Variants in FGD6 observed in about 807,000 individuals in gnomAD.
FGD6 encodes the protein FYVE, RhoGEF and PH domain containing 6.
A neutral mutation model predicts 149.4 loss-of-function variants in FGD6; 90 were observed. That is an observed-to-expected ratio of 0.60 (90% CI 0.51 to 0.72). The LOEUF is 0.72. FGD6 is among the 30% of genes least tolerant of loss of function. The pLI is 0.00. For missense variants in FGD6, 1,437 were observed against 1,684.8 expected, an observed-to-expected ratio of 0.85 and a Z score of 2.57; for synonymous variants, 527 against 584.0, an observed-to-expected ratio of 0.90 and a Z score of 1.41.
Position 95,108,347 on chromosome 12 carries a change from C to T in FGD6, c.3264+1G>A. The T allele has an allele frequency of 1.2e-6, 2 of 1,613,458 alleles. No individual in the cohort carries two copies. Among genetic ancestry groups the T allele is most frequent in the Non-Finnish European group, 1.7e-6 (2 of 1,179,766 alleles). ...TGCGAAAAGCAATGTAAAATGCTTACCCGACCAGGCTGCACAATTTCATGG... is the reference window on the plus strand; with the variant it reads ...TGCGAAAAGCAATGTAAAATGCTTATCCGACCAGGCTGCACAATTTCATGG... On this transcript the variant is annotated splice_donor_variant, in intron 11 of 20. Coordinates refer to ENST00000343958, the MANE Select transcript of FGD6 (RefSeq NM_018351.4). LOFTEE classifies it high-confidence loss of function.
chr12:95,179,178 T>C (rs1881211901), intron 2 of FGD6, among the ~76,000 whole-genome samples: 1 of 152,118 alleles, frequency 6.6e-6, no homozygotes, highest in Non-Finnish European at 1.5e-5. Flanking sequence ...ACGAGGATTC[T>C]TAGAATTGTA....
At chr12:95,138,259 C>T (rs1448616186) in intron 6 of FGD6, among the ~76,000 whole-genome samples, 1 of 133,856 alleles carries the variant, frequency 7.5e-6, no homozygotes, top group East Asian at 2.1e-4. Context: ...TCACTCACTC[C>T]TTGGATGGGC....
intron 5 of FGD6, among the ~76,000 whole-genome samples, chr12:95,150,972 G>C (rs940151633): frequency 6.6e-6 from 1 of 151,800 alleles, no homozygotes; most frequent in Admixed American, 6.6e-5. Flanking sequence ...GGATGGCTGT[G>C]GTCCCAGCTA....
chr12:95,200,488 A>G (rs2056651374), intron 2 of FGD6, among the ~76,000 whole-genome samples: 1 of 152,230 alleles, frequency 6.6e-6, no homozygotes, highest in Non-Finnish European at 1.5e-5. Context: ...TTCATTTTTC[A>G]TGAAATCACT....
At chr12:95,125,749 C>A in intron 8 of FGD6, 1 of 651,196 alleles carries the variant, frequency 1.5e-6, no homozygotes, top group Non-Finnish European at 2.8e-6. Flanking sequence ...TTCTCACCGA[C>A]TGCCGCCAAT....
intron 2 of FGD6, among the ~76,000 whole-genome samples, chr12:95,185,556 C>T (rs1352964162): frequency 6.6e-6 from 1 of 152,060 alleles, no homozygotes; most frequent in Non-Finnish European, 1.5e-5. Flanking sequence ...TTTACATTTC[C>T]CTATACTATA....
In FGD6 at chr12:95,085,774, T is replaced by C; in HGVS notation, c.4107+6A>G. 6.3e-7 allele frequency: 1 copy of C among 1,598,762 alleles called. No individual in the cohort carries two copies. Among genetic ancestry groups the C allele is most frequent in the Non-Finnish European group, 8.5e-7 (1 of 1,176,202 alleles). ...AAATTACTCATCTTTAGATTTCAGATCTTACCTCACTTGCAGCATATGTAT... is the reference window on the plus strand; with the variant it reads ...AAATTACTCATCTTTAGATTTCAGACCTTACCTCACTTGCAGCATATGTAT... On this transcript the variant is annotated splice_donor_region_variant and intron_variant, in intron 19 of 20. Coordinates refer to ENST00000343958, the MANE Select transcript of FGD6 (RefSeq NM_018351.4).
At position 95,209,482 on chromosome 12, in the gene FGD6, G is replaced by A. The variant is rs769325307; in HGVS notation, c.1802C>T (p.Pro601Leu). The change falls in exon 2 of 21, where the codon CCC becomes CTC. Residue 601 changes from proline to leucine, a missense_variant. This residue lies in a region of FGD6 where 1,055 missense variants were observed against 1,146.0 expected (regional missense o/e 0.92). Coordinates refer to ENST00000343958, the MANE Select transcript of FGD6 (RefSeq NM_018351.4). ...NSEPSTALTK[P>L]RAKSLSAMDV... is the part of the protein sequence containing the mutation. ...CATAGCAGATAACGATTTTGCTCTG[G>A]GCTTGGTTAGGGCTGTTGAAGGCTC... is the stretch of plus-strand genomic sequence containing the variant. The A allele has an allele frequency of 1.2e-5, 19 of 1,612,516 alleles. No homozygotes were observed. The highest frequency in any genetic ancestry group is 1.4e-5 in the Non-Finnish European group (17 of 1,179,512).
chr12:95,139,451 A>T (rs1231032533), intron 6 of FGD6, among the ~76,000 whole-genome samples: 1 of 151,792 alleles, frequency 6.6e-6, no homozygotes, highest in Admixed American at 6.6e-5. Flanking sequence ...AAAAAAAAAA[A>T]TCGGAAGCAA....
intron 6 of FGD6, among the ~76,000 whole-genome samples, chr12:95,138,439 G>C (rs1191926281): frequency 1.3e-5 from 2 of 150,676 alleles, no homozygotes; most frequent in Non-Finnish European, 3.0e-5. Flanking sequence ...AGGTACTTGG[G>C]AGGCTGAGGC....
chr12:95,192,189 T>C (rs1881609013), intron 2 of FGD6, among the ~76,000 whole-genome samples: 1 of 152,130 alleles, frequency 6.6e-6, no homozygotes, highest in Admixed American at 6.6e-5. Context: ...CCCCCAAAAT[T>C]TTTTCAATAA....
chr12:95,088,695 G>T (rs1262757392), intron 18 of FGD6, among the ~76,000 whole-genome samples: 1 of 152,196 alleles, frequency 6.6e-6, no homozygotes, highest in Non-Finnish European at 1.5e-5. Context: ...TTCAACAAGA[G>T]ATGGGTGGAT....
At chr12:95,145,827 C>A (rs1034518324) in intron 5 of FGD6, among the ~76,000 whole-genome samples, 1 of 152,080 alleles carries the variant, frequency 6.6e-6, no homozygotes, top group Non-Finnish European at 1.5e-5. Context: ...GCATATGCCA[C>A]CACGCCCAGC....
chr12:95,206,962 G>C (rs990796428), intron 2 of FGD6, among the ~76,000 whole-genome samples: 1 of 151,004 alleles, frequency 6.6e-6, no homozygotes, highest in Non-Finnish European at 1.5e-5. Context: ...TGACTTGCTC[G>C]ACAATTTTAT....
chr12:95,092,259 G>A (rs1203155545), intron 16 of FGD6, among the ~76,000 whole-genome samples: 1 of 152,138 alleles, frequency 6.6e-6, no homozygotes, highest in Non-Finnish European at 1.5e-5. Flanking sequence ...GTGACTCTCT[G>A]ATGTCACTGT....
chr12:95,108,314 A>G, intron 11 of FGD6, 34 bp downstream of exon 11: 3 of 1,590,928 alleles, frequency 1.9e-6, no homozygotes, highest in Non-Finnish European at 2.6e-6. Context: ...AATGCATCGT[A>G]TTAAGTTTGC....
intron 3 of FGD6, among the ~76,000 whole-genome samples, chr12:95,167,681 TCTC>T (rs777131707): frequency 1.2e-4 from 18 of 151,504 alleles, no homozygotes; most frequent in Admixed American, 2.0e-4. Context: ...TTCAAGCAAT[TCTC>T]CTGCCTCAGC....
At chr12:95,158,826 A>C (rs1014890851) in intron 3 of FGD6, among the ~76,000 whole-genome samples, 5 of 151,962 alleles carry the variant, frequency 3.3e-5, no homozygotes, top group Non-Finnish European at 4.4e-5. Context: ...GTTTGAGACC[A>C]GTCTGGGCAA....
chr12:95,181,057 C>A (rs1881269206), intron 2 of FGD6, among the ~76,000 whole-genome samples: 1 of 152,062 alleles, frequency 6.6e-6, no homozygotes, highest in Non-Finnish European at 1.5e-5. Context: ...TAAATTACGG[C>A]TTTCCCTTAC....
Sources: gnomAD v4.1 joint callset for allele counts (sites outside exome capture counted in the v4.1 genomes callset) on GRCh38, gnomAD v4.1.1 for gene constraint, gnomAD v4.1.1 regional missense constraint, MANE v1.5 for transcripts, NCBI Gene and HGNC (gene_info 2026-07-23, HGNC 2026-07-21) for gene names.